EGFR: variants seen among roughly 807,000 people sequenced by gnomAD.
The protein encoded by EGFR is avian erythroblastic leukemia viral (v-erb-b) oncogene homolog.
Under a neutral mutation model 143.0 loss-of-function variants are expected in EGFR, and 58 were observed. The observed-to-expected ratio is 0.41, with a 90% CI of 0.33 to 0.50. EGFR has a LOEUF of 0.50. EGFR is among the 20% of genes least tolerant of loss of function. The pLI is 0.39. For missense variants in EGFR, 1,307 were observed against 1,579.0 expected (o/e 0.83, Z 2.92); for synonymous variants, 613 against 594.4 (o/e 1.03, Z -0.45).
intron 15 of EGFR, 88 bp from the exon 16 acceptor site, chr7:55,171,087 T>G: frequency 6.3e-7 from 1 of 1,585,508 alleles, no homozygotes; most frequent in African/African-American, 1.3e-5. Flanking sequence ...TTAGCATATA[T>G]TGCTTTATGA....
chr7:55,172,389 G>T (rs980352790), intron 16 of EGFR, among the ~76,000 whole-genome samples: 1 of 152,158 alleles, frequency 6.6e-6, no homozygotes, highest in Non-Finnish European at 1.5e-5. Context: ...GTCTGAGGCT[G>T]CATGATGACA....
Position 55,208,834 on chromosome 7 carries a change from G to C in EGFR, c.*3217G>C, listed in dbSNP as rs1788171879. On this transcript the variant is annotated 3_prime_UTR_variant, in exon 28 of 28. Transcript: ENST00000275493. The stretch of plus-strand genomic sequence containing the variant: ...GGTTCTCAAGGGCGGCTGCCCTTGG[G>C]AATCTTCTGGTCCCAACCAGAAAGA... 2.0e-5 allele frequency: 3 copies of C among 152,152 alleles called. No individual in the cohort carries two copies. The highest frequency in any genetic ancestry group is 2.0e-4 in the Admixed American group (3 of 15,274). The allele number at this position is 152,152 out of a possible 1,614,324, so 9.4% of individuals were successfully genotyped here. A position where few individuals can be genotyped will look rare whatever the true frequency, so the allele number is the denominator to read the frequency against.
At chr7:55,115,030 C>T (rs556052116) in intron 1 of EGFR, among the ~76,000 whole-genome samples, 12 of 151,470 alleles carry the variant, frequency 7.9e-5, no homozygotes, top group East Asian at 1.9e-4. Context: ...TACAGGTGCC[C>T]GCCACCGCGC....
rs150803480 is a variant in EGFR at position 55,165,393 on chromosome 7, C to T, written c.1836C>T (p.Asp612=). The T allele has an allele frequency of 7.4e-6, 12 of 1,614,006 alleles. No individual in the cohort carries two copies. The highest frequency in any genetic ancestry group is 5.5e-5 in the South Asian group (5 of 91,086). ...ACACCCTGGTCTGGAAGTACGCAGA[C>T]GCCGGCCATGTGTGCCACCTGTGCC... is the stretch of plus-strand genomic sequence containing the variant. ...ENNTLVWKYA[D]AGHVCHLCHP... Residue 612 remains aspartate, a synonymous_variant, in exon 15 of 28, where the codon GAC becomes GAT. Coordinates refer to ENST00000275493, the MANE Select transcript of EGFR (RefSeq NM_005228.5).
chr7:55,137,588 C>T (rs753264392), intron 1 of EGFR, among the ~76,000 whole-genome samples: 5 of 152,110 alleles, frequency 3.3e-5, no homozygotes, highest in Non-Finnish European at 5.9e-5. Flanking sequence ...ACGAGACCAC[C>T]GGCCCGCCCT....
At chr7:55,036,118 G>T (rs1340102488) in intron 1 of EGFR, among the ~76,000 whole-genome samples, 4 of 152,072 alleles carry the variant, frequency 2.6e-5, no homozygotes, top group Non-Finnish European at 4.4e-5. Context: ...GAAATGGGAT[G>T]AGGGAGAGAG....
At position 55,152,604 on chromosome 7, in the gene EGFR, T is replaced by A. The variant is rs1357816760; in HGVS notation, c.687T>A (p.Ser229Arg). 6.2e-7 allele frequency: 1 copy of A among 1,613,808 alleles called. No homozygotes were observed. Residue 229 changes from serine to arginine, a missense_variant, in exon 6 of 28, where the codon AGT (serine) becomes AGA (arginine). Around this residue, in one of 7 missense-constraint regions of EGFR, gnomAD observed 311 missense variants for 412.3 expected, o/e 0.75. Transcript: ENST00000275493. ...GGCGCTGCCGTGGCAAGTCCCCCAG[T>A]GACTGCTGCCACAACCAGTGTGCTG... ...CSGRCRGKSP[S>R]DCCHNQCAAG...
intron 1 of EGFR, among the ~76,000 whole-genome samples, chr7:55,128,198 G>A (rs148567485): frequency 1.7e-3 from 262 of 152,340 alleles, no homozygotes; most frequent in South Asian, 3.9e-3. Context: ...ACCACCGAAC[G>A]ATGCCTGCAT....
intron 15 of EGFR, chr7:55,170,431 G>T: frequency 6.2e-7 from 1 of 1,614,162 alleles, no homozygotes; most frequent in Non-Finnish European, 8.5e-7. Flanking sequence ...GTCATGCTTA[G>T]GATGGATCCC....
chr7:55,157,915 A>G (rs1785509650), intron 11 of EGFR, among the ~76,000 whole-genome samples, 162 bp downstream of exon 11: 1 of 152,236 alleles, frequency 6.6e-6, no homozygotes, highest in Non-Finnish European at 1.5e-5. Flanking sequence ...GCAAGACTGC[A>G]CGACCACTGG....
In EGFR at chr7:55,065,971, T is replaced by C. The variant is rs1027915055; in HGVS notation, c.88+46606T>C. 5.3e-5 allele frequency among the ~76,000 whole-genome samples: 8 copies of C among 152,258 alleles called. No individual in the cohort carries two copies. The South Asian group carries it at 1.2e-3, about 24-fold the overall frequency. ...GGCCTCCTGAAGCCTGGCCCTATTATGTATCCTGACAAAGATAAACTTTTC... is the reference window on the plus strand; with the variant it reads ...GGCCTCCTGAAGCCTGGCCCTATTACGTATCCTGACAAAGATAAACTTTTC... On this transcript the variant is annotated intron_variant, in intron 1 of 27. Transcript: ENST00000275493.
rs774578719 is a variant in EGFR at position 55,191,817 on chromosome 7, T to C, written c.2568T>C (p.Phe856=). ...KTPQHVKITD[F]GLAKLLGAEE... The stretch of plus-strand genomic sequence containing the variant: ...CGCAGCATGTCAAGATCACAGATTT[T>C]GGGCTGGCCAAACTGCTGGGTGCGG... The change falls in exon 21 of 28, where the codon TTT becomes TTC. Residue 856 remains phenylalanine (F), a synonymous_variant. Transcript: ENST00000275493. 6 of 1,613,988 alleles carry C rather than the reference T, an allele frequency of 3.7e-6. No homozygotes were observed. The South Asian group carries it at 6.6e-5, about 18-fold the overall frequency.
chr7:55,085,515 C>A lies in EGFR; in HGVS notation c.89-56771C>A, dbSNP rs558954831. ...CATGAGATGAGGAGTGTTCTTATCT[C>A]TAAAGTATTATCATGAAAACCTAAC... On this transcript the variant is annotated intron_variant, in intron 1 of 27. Coordinates refer to ENST00000275493, the MANE Select transcript of EGFR (RefSeq NM_005228.5). Among the ~76,000 whole-genome samples the A allele has an allele frequency of 3.3e-5, 5 of 152,308 alleles. No individual in the cohort carries two copies. In the East Asian group the frequency reaches 9.6e-4, roughly 29 times the overall value.
intron 16 of EGFR, among the ~76,000 whole-genome samples, chr7:55,171,437 A>C (rs1482674209): frequency 2.6e-5 from 4 of 152,188 alleles, no homozygotes; most frequent in Non-Finnish European, 5.9e-5. Flanking sequence ...TTGGACACAC[A>C]GTGCTGGGGC....
chr7:55,040,667 T>C (rs1787847909), intron 1 of EGFR, among the ~76,000 whole-genome samples: 3 of 152,238 alleles, frequency 2.0e-5, no homozygotes, highest in Non-Finnish European at 2.9e-5. Context: ...AACATGTTTT[T>C]TGAACTACTG....
intron 4 of EGFR, among the ~76,000 whole-genome samples, chr7:55,147,577 G>C (rs145729469): frequency 3.2e-4 from 48 of 150,704 alleles, no homozygotes; most frequent in African/African-American, 1.1e-3. Flanking sequence ...TTGGATTTTT[G>C]TGTATTTGTT....
chr7:55,098,922 A>T (rs1215750552), intron 1 of EGFR, among the ~76,000 whole-genome samples: 2 of 152,148 alleles, frequency 1.3e-5, no homozygotes, highest in Non-Finnish European at 2.9e-5. Flanking sequence ...GAGTCTTCTG[A>T]TTTCGAAGCA....
chr7:55,159,964 A>G (rs532287455), intron 11 of EGFR, among the ~76,000 whole-genome samples, 175 bp from the exon 12 acceptor site: 5 of 152,344 alleles, frequency 3.3e-5, no homozygotes, highest in African/African-American at 9.6e-5. Flanking sequence ...GCCTGGAGGA[A>G]CTTTAAAAAC....
intron 1 of EGFR, among the ~76,000 whole-genome samples, chr7:55,046,772 G>A (rs1033504511): frequency 6.6e-6 from 1 of 152,122 alleles, no homozygotes; most frequent in Non-Finnish European, 1.5e-5. Flanking sequence ...TTCACATTCA[G>A]ATCACCTCTT....
Sources: allele counts gnomAD v4.1 joint callset (sites outside exome capture counted in the v4.1 genomes callset), GRCh38; gene constraint gnomAD v4.1.1; regional missense constraint gnomAD v4.1.1; transcripts MANE v1.5; gene names NCBI Gene and HGNC (gene_info 2026-07-23, HGNC 2026-07-21).